The following LRP1B variants were observed in gnomAD, a reference collection of about 807,000 sequenced individuals.
LRP1B encodes the protein low-density lipoprotein receptor-related protein 1B.
LRP1B carries 217 observed loss-of-function variants against 556.6 expected under a neutral mutation model. The observed-to-expected ratio is 0.39, with a 90% CI of 0.35 to 0.44. The LOEUF (loss-of-function observed/expected upper bound fraction) is 0.44. Among genes scored for constraint, LRP1B ranks in the 20% least tolerant of loss-of-function variants. The pLI is 1.00. For missense variants in LRP1B, 5,053 were observed against 5,620.8 expected, an observed-to-expected ratio of 0.90 and a Z score of 3.23; for synonymous variants, 2,047 against 1,865.8, an observed-to-expected ratio of 1.10 and a Z score of -2.50.
At chr2:141,485,224 G>T (rs998272620) in intron 2 of LRP1B, among the ~76,000 whole-genome samples, 1 of 152,174 alleles carries the variant, frequency 6.6e-6, no homozygotes, top group Non-Finnish European at 1.5e-5. Context: ...CTCTTGTCTT[G>T]GTTGCCAGGA....
intron 27 of LRP1B, among the ~76,000 whole-genome samples, chr2:140,854,269 A>T (rs1029978170): frequency 1.3e-5 from 2 of 152,140 alleles, no homozygotes; most frequent in African/African-American, 4.8e-5. Context: ...GAATCATACC[A>T]ACCCTTAACA....
chr2:141,014,774 TA>T (rs1195532197), intron 13 of LRP1B, among the ~76,000 whole-genome samples: 1 of 152,088 alleles, frequency 6.6e-6, no homozygotes, highest in African/African-American at 2.4e-5. Flanking sequence ...TAAGGAAGCA[TA>T]AAGATTTATC....
At chr2:141,784,288 T>C (rs1695354965) in intron 2 of LRP1B, among the ~76,000 whole-genome samples, 1 of 152,004 alleles carries the variant, frequency 6.6e-6, no homozygotes, top group Non-Finnish European at 1.5e-5. Flanking sequence ...AGTATTTATA[T>C]AGTAATCAGG....
chr2:142,113,515 AGGAGAAAGTGGAAAT>A (rs1233512549), intron 1 of LRP1B, among the ~76,000 whole-genome samples: 1 of 150,988 alleles, frequency 6.6e-6, no homozygotes, highest in Non-Finnish European at 1.5e-5. Flanking sequence ...CTTCAAAGTT[AGGAGAAAGTGGAAAT>A]GATCATGTAG....
intron 6 of LRP1B, among the ~76,000 whole-genome samples, chr2:141,209,733 G>C (rs1682460676): frequency 6.6e-6 from 1 of 152,116 alleles, no homozygotes; most frequent in African/African-American, 2.4e-5. Context: ...TACATCTACT[G>C]TAAGCAGTTA....
intron 1 of LRP1B, among the ~76,000 whole-genome samples, chr2:141,941,886 CCGTAT>C (rs1041765470): frequency 6.6e-6 from 1 of 152,078 alleles, no homozygotes; most frequent in East Asian, 1.9e-4. Context: ...ATGATGAGTA[CCGTAT>C]AAGATTCAGA....
intron 2 of LRP1B, among the ~76,000 whole-genome samples, chr2:141,725,905 A>T (rs1693011919): frequency 6.6e-6 from 1 of 151,858 alleles, no homozygotes; most frequent in African/African-American, 2.4e-5. Flanking sequence ...ATAAGAAGGC[A>T]ATAATTTCTA....
chr2:140,723,784 T>C (rs1368873058), intron 35 of LRP1B, among the ~76,000 whole-genome samples: 2 of 152,204 alleles, frequency 1.3e-5, no homozygotes, highest in Non-Finnish European at 2.9e-5. Flanking sequence ...AGAATAACTG[T>C]CGGATAGCAA....
chr2:141,466,307 T>G (rs1251486678), intron 3 of LRP1B, among the ~76,000 whole-genome samples: 1 of 152,190 alleles, frequency 6.6e-6, no homozygotes, highest in Non-Finnish European at 1.5e-5. Context: ...TTTCTTTCCT[T>G]TAGAGTCCTC....
At chr2:141,643,238 T>C (rs1689412889) in intron 2 of LRP1B, among the ~76,000 whole-genome samples, 1 of 152,132 alleles carries the variant, frequency 6.6e-6, no homozygotes, top group Non-Finnish European at 1.5e-5. Flanking sequence ...TTAAATTACT[T>C]TGATTTACTG....
intron 2 of LRP1B, among the ~76,000 whole-genome samples, chr2:141,761,930 G>A (rs1694566694): frequency 6.6e-6 from 1 of 152,106 alleles, no homozygotes. Context: ...AGTGCTCCAG[G>A]ATTCCATGGT....
intron 2 of LRP1B, among the ~76,000 whole-genome samples, chr2:141,725,187 A>G (rs1408176169): frequency 1.3e-5 from 2 of 151,908 alleles, no homozygotes; most frequent in Non-Finnish European, 2.9e-5. Flanking sequence ...GTGAGTTGAG[A>G]CTGCTCATCA....
At chr2:141,101,540 G>A (rs1172346236) in intron 7 of LRP1B, among the ~76,000 whole-genome samples, 1 of 151,926 alleles carries the variant, frequency 6.6e-6, no homozygotes, top group African/African-American at 2.4e-5. Context: ...GTTGAATTTA[G>A]GAATCAAAAA....
chr2:140,528,484 G>T (rs1483104901), intron 47 of LRP1B, among the ~76,000 whole-genome samples: 1 of 151,088 alleles, frequency 6.6e-6, no homozygotes, highest in Non-Finnish European at 1.5e-5. Context: ...AGATTTGCAG[G>T]ATGTATTTTT....
intron 14 of LRP1B, among the ~76,000 whole-genome samples, chr2:141,012,396 AGCCTGG>A (rs1182593176): frequency 6.6e-6 from 1 of 152,062 alleles, no homozygotes; most frequent in Non-Finnish European, 1.5e-5. Flanking sequence ...TTCTATTCAT[AGCCTGG>A]GCTCTTGCTC....
At chr2:140,646,372 T>C (rs758201882) in intron 41 of LRP1B, among the ~76,000 whole-genome samples, 20 of 152,156 alleles carry the variant, frequency 1.3e-4, no homozygotes, top group Non-Finnish European at 1.9e-4. Context: ...TGCATAGCAA[T>C]GGTATGGTGG....
At chr2:141,182,452 G>T (rs1168163574) in intron 7 of LRP1B, among the ~76,000 whole-genome samples, 2 of 151,914 alleles carry the variant, frequency 1.3e-5, no homozygotes, top group Non-Finnish European at 2.9e-5. Flanking sequence ...CAGCTAATCT[G>T]AGTACTGCTT....
At chr2:141,498,520 C>G (rs1378448170) in intron 2 of LRP1B, among the ~76,000 whole-genome samples, 1 of 151,840 alleles carries the variant, frequency 6.6e-6, no homozygotes, top group Non-Finnish European at 1.5e-5. Flanking sequence ...GGTAAAATAA[C>G]TTTTCGCAAT....
intron 72 of LRP1B, among the ~76,000 whole-genome samples, chr2:140,364,160 G>T (rs2105149697): frequency 6.6e-6 from 1 of 151,686 alleles, no homozygotes; most frequent in East Asian, 2.0e-4. Context: ...TTTCAGTTCT[G>T]TGTTTAGGAC....
Sources: gnomAD v4.1 joint callset for allele counts (sites outside exome capture counted in the v4.1 genomes callset) on GRCh38, gnomAD v4.1.1 for gene constraint, MANE v1.5 for transcripts, NCBI Gene and HGNC (gene_info 2026-07-23, HGNC 2026-07-21) for gene names.